AAMDC: variants seen among roughly 807,000 people sequenced by gnomAD.
AAMDC encodes the protein mth938 domain-containing protein.
In AAMDC, 16 loss-of-function variants were observed where a neutral mutation model predicts 15.5. The ratio of observed to expected loss-of-function variants is 1.03; its 90% CI spans 0.70 to 1.57. The LOEUF (loss-of-function observed/expected upper bound fraction) is 1.57, where lower values mean the gene tolerates loss of function less well. AAMDC is among the 40% of genes most tolerant of loss of function. The probability of loss-of-function intolerance (pLI) is 0.00; values close to 1 mark genes in which losing one functional copy is unlikely to be tolerated. For missense variants in AAMDC, 141 were observed against 144.9 expected, an observed-to-expected ratio of 0.97 and a Z score of 0.14; for synonymous variants, 51 against 51.6, an observed-to-expected ratio of 0.99 and a Z score of 0.05.
At chr11:77,885,516 T>C (rs1425607115) in intron 5 of AAMDC, among the ~76,000 whole-genome samples, 1 of 152,112 alleles carries the variant, frequency 6.6e-6, no homozygotes, top group African/African-American at 2.4e-5. Context: ...GCTTCATTTT[T>C]TTTTAGAAAA....
downstream of AAMDC, chr11:77,872,410 A>G (rs1369550618): frequency 2.8e-6 from 4 of 1,439,916 alleles, no homozygotes; most frequent in East Asian, 2.4e-5. Flanking sequence ...ATTTTTGGAC[A>G]CCTACTCATG....
intron 5 of AAMDC, among the ~76,000 whole-genome samples, chr11:77,900,282 GT>G (rs1289741759): frequency 6.6e-6 from 1 of 152,058 alleles, no homozygotes; most frequent in East Asian, 1.9e-4. Context: ...TGTATTTTTA[GT>G]AGAGACAGGG....
chr11:77,821,178 A>C lies in AAMDC; in HGVS notation c.-82A>C, dbSNP rs912613367. 29 of 366,400 alleles carry C rather than the reference A, an allele frequency of 7.9e-5. No individual in the cohort carries two copies. Among genetic ancestry groups the C allele is most frequent in the Middle Eastern group, 1.5e-3 (2 of 1,366 alleles). The allele number at this position is 366,400 out of a possible 1,614,324, so 22.7% of individuals were successfully genotyped here. Reference sequence around the variant, plus strand: ...GCGCAGATCCCGAAGCAGCGCTGGGAGCGTAAGTGCGGGCAGAGCACTGCG... The same window carrying C: ...GCGCAGATCCCGAAGCAGCGCTGGGCGCGTAAGTGCGGGCAGAGCACTGCG... On this transcript the variant is annotated 5_prime_UTR_variant, in exon 1 of 4. Coordinates refer to ENST00000393427, the MANE Select transcript of AAMDC (RefSeq NM_024684.4).
At chr11:77,824,221 AACG>A (rs1949068500) in intron 1 of AAMDC, among the ~76,000 whole-genome samples, 1 of 152,246 alleles carries the variant, frequency 6.6e-6, no homozygotes, top group African/African-American at 2.4e-5. Flanking sequence ...TACAGAGCTT[AACG>A]ACAATTTATG....
intron 2 of AAMDC, among the ~76,000 whole-genome samples, chr11:77,864,603 C>A (rs945221773): frequency 6.6e-6 from 1 of 152,116 alleles, no homozygotes; most frequent in African/African-American, 2.4e-5. Flanking sequence ...CTGGAAGCAG[C>A]AACTATGAAA....
intron 5 of AAMDC, among the ~76,000 whole-genome samples, chr11:77,881,573 A>G (rs1465010493): frequency 6.6e-6 from 1 of 152,198 alleles, no homozygotes; most frequent in Non-Finnish European, 1.5e-5. Context: ...ATGAAAAGAG[A>G]ATACTAATTT....
rs766208651 is a variant in AAMDC at position 77,872,178 on chromosome 11, C to G, written c.232C>G (p.Pro78Ala). 3 of 1,612,076 alleles carry G rather than the reference C, an allele frequency of 1.9e-6. No homozygotes were observed. In the African/African-American group the frequency reaches 4.0e-5, roughly 22 times the overall value. The change falls in exon 4 of 4, where the codon CCT becomes GCT. Residue 78 changes from proline (P) to alanine (A), a missense_variant. Transcript: ENST00000393427. ...GRGMSEALKV[P>A]SSTVEYLKKH... ...CATCTCTTTTCCACCTTCCCAGGTG[C>G]CTTCATCAACTGTGGAGTACCTCAA...
At chr11:77,876,943 T>C, downstream of AAMDC, 3 of 703,230 alleles carry the variant, frequency 4.3e-6, no homozygotes, top group South Asian at 3.0e-5. Context: ...TTCATGTTTT[T>C]GTCTAGGCTC....
At chr11:77,877,160 C>A, downstream of AAMDC, 1 of 635,118 alleles carries the variant, frequency 1.6e-6, no homozygotes, top group Non-Finnish European at 2.8e-6. Context: ...ACTGCCAGAT[C>A]TGTCATTTCC....
At chr11:77,886,722 C>T (rs375312710) in intron 5 of AAMDC, among the ~76,000 whole-genome samples, 13 of 151,828 alleles carry the variant, frequency 8.6e-5, no homozygotes, top group Admixed American at 5.9e-4. Flanking sequence ...TGAAGAGACA[C>T]GAGAGGTGTA....
intron 5 of AAMDC, among the ~76,000 whole-genome samples, chr11:77,879,606 G>T (rs1951714768): frequency 6.6e-6 from 1 of 152,120 alleles, no homozygotes; most frequent in Non-Finnish European, 1.5e-5. Context: ...AAAAGTTTCT[G>T]GCCAATGAAC....
chr11:77,872,657 T>G (rs1320897185), downstream of AAMDC, among the ~76,000 whole-genome samples: 1 of 152,144 alleles, frequency 6.6e-6, no homozygotes, highest in African/African-American at 2.4e-5. Flanking sequence ...GCTTCAAATT[T>G]CAACTATAGG....
intron 5 of AAMDC, among the ~76,000 whole-genome samples, chr11:77,887,530 C>G (rs983001066): frequency 6.6e-6 from 1 of 152,142 alleles, no homozygotes; most frequent in Non-Finnish European, 1.5e-5. Flanking sequence ...GATGCCCTCT[C>G]TCAGCACTCC....
At chr11:77,883,208 G>A (rs565876930) in intron 5 of AAMDC, among the ~76,000 whole-genome samples, 1 of 152,204 alleles carries the variant, frequency 6.6e-6, no homozygotes, top group African/African-American at 2.4e-5. Flanking sequence ...TCCAGTAACA[G>A]TGCTCCTGAA....
chr11:77,888,159 C>A (rs1952099579), intron 5 of AAMDC, among the ~76,000 whole-genome samples: 1 of 152,188 alleles, frequency 6.6e-6, no homozygotes, highest in Non-Finnish European at 1.5e-5. Context: ...CATCATGCTA[C>A]CTGACTTCAA....
chr11:77,893,765 C>T (rs1472230871), intron 5 of AAMDC, among the ~76,000 whole-genome samples: 1 of 151,982 alleles, frequency 6.6e-6, no homozygotes, highest in Non-Finnish European at 1.5e-5. Context: ...TGGTGGCAGG[C>T]ACCTGTAGTG....
chr11:77,841,402 C>G, intron 1 of AAMDC: 1 of 591,592 alleles, frequency 1.7e-6, no homozygotes, highest in Non-Finnish European at 3.0e-6. Context: ...AACCCAGTTT[C>G]CCAAGATTCT....
chr11:77,846,620 C>T (rs925813215), intron 2 of AAMDC, among the ~76,000 whole-genome samples: 1 of 152,160 alleles, frequency 6.6e-6, no homozygotes, highest in Non-Finnish European at 1.5e-5. Context: ...GCAGGAGAAT[C>T]GCTTGAACCC....
At chr11:77,841,054 G>A (rs1347686709) in intron 1 of AAMDC, 15 of 583,134 alleles carry the variant, frequency 2.6e-5, no homozygotes, top group Middle Eastern at 4.4e-4. Flanking sequence ...CAGTTGGCTC[G>A]CATCTGGTGA....
Sources: gnomAD v4.1 joint callset for allele counts (sites outside exome capture counted in the v4.1 genomes callset) on GRCh38, gnomAD v4.1.1 for gene constraint, MANE v1.5 for transcripts, NCBI Gene and HGNC (gene_info 2026-07-23, HGNC 2026-07-21) for gene names.